Variants in TEX36 observed in about 807,000 individuals in gnomAD.
The protein encoded by TEX36 is testis-expressed protein 36.
In TEX36, 12 loss-of-function variants were observed where a neutral mutation model predicts 13.6. The observed-to-expected ratio is 0.88, with a 90% CI of 0.56 to 1.43. The LOEUF is 1.43. TEX36 is among the 40% of genes most tolerant of loss of function. TEX36 has a pLI of 0.00. For missense variants in TEX36, 224 were observed against 228.3 expected, an observed-to-expected ratio of 0.98 and a Z score of 0.12; for synonymous variants, 93 against 83.0, an observed-to-expected ratio of 1.12 and a Z score of -0.65.
At chr10:125,682,122 T>G (rs915330422) in intron 1 of TEX36, among the ~76,000 whole-genome samples, 1 of 152,230 alleles carries the variant, frequency 6.6e-6, no homozygotes, top group African/African-American at 2.4e-5. Flanking sequence ...ACATTCTTTT[T>G]GTGAATGAAT....
chr10:125,682,875 C>T lies in TEX36; in HGVS notation c.51+64G>A. The T allele has an allele frequency of 5.9e-6, 9 of 1,524,552 alleles. No homozygotes were observed. In the South Asian group the frequency reaches 1.1e-4, roughly 18 times the overall value. 94.4% of individuals were successfully genotyped at this position (1,524,552 alleles called of 1,614,324 possible). A position where few individuals can be genotyped will look rare whatever the true frequency, so the allele number is the denominator to read the frequency against. ...TAATAGTAGAAGCAGGATTGGAACT[C>T]CTCAGACTGTTGACCACACCCACGT... is the stretch of plus-strand genomic sequence containing the variant. On this transcript the variant is annotated intron_variant, in intron 1 of 3. Coordinates refer to ENST00000368821, the MANE Select transcript of TEX36 (RefSeq NM_001128202.3).
intron 1 of TEX36, among the ~76,000 whole-genome samples, chr10:125,681,095 G>T (rs1847385886): frequency 6.6e-6 from 1 of 152,198 alleles, no homozygotes; most frequent in Non-Finnish European, 1.5e-5. Context: ...ATAAAAAGGG[G>T]CAGACTTAGG....
chr10:125,612,104 C>G (rs2365824), intron 3 of TEX36, among the ~76,000 whole-genome samples: 47,814 of 128,252 alleles, frequency 0.37, 8,083 homozygotes, highest in African/African-American at 0.46. Context: ...TTTTTTTTTT[C>G]AGACAGAGTC....
At chr10:125,589,334 T>C (rs1845995628) in intron 3 of TEX36, among the ~76,000 whole-genome samples, 1 of 152,238 alleles carries the variant, frequency 6.6e-6, no homozygotes. Flanking sequence ...TTTCTAATAT[T>C]CTTATCTTTT....
Position 125,667,761 on chromosome 10 carries a change from G to A in TEX36, c.52-5784C>T. The A allele has an allele frequency of 3.6e-6, 3 of 845,016 alleles. No homozygotes were observed. In the East Asian group the frequency reaches 7.3e-5, roughly 20 times the overall value. 52.3% of individuals were successfully genotyped at this position (845,016 alleles called of 1,614,324 possible). A position where few individuals can be genotyped will look rare whatever the true frequency, so the allele number is the denominator to read the frequency against. Reference sequence around the variant, plus strand: ...GGGTTCACGCAGTCGTCAGCTGTCAGCAGCAGCTGACAGTAGAAGCGCCAG... The same window carrying A: ...GGGTTCACGCAGTCGTCAGCTGTCAACAGCAGCTGACAGTAGAAGCGCCAG... On this transcript the variant is annotated intron_variant, in intron 1 of 3. Coordinates refer to ENST00000368821, the MANE Select transcript of TEX36 (RefSeq NM_001128202.3).
intron 1 of TEX36, chr10:125,667,733 C>G (rs1847146544): frequency 1.3e-6 from 1 of 788,692 alleles, no homozygotes; most frequent in South Asian, 1.5e-5. Flanking sequence ...GTCCCCGATG[C>G]AGGGGTTCAC....
At chr10:125,643,610 C>T (rs1163674703) in intron 3 of TEX36, among the ~76,000 whole-genome samples, 4 of 151,904 alleles carry the variant, frequency 2.6e-5, no homozygotes, top group African/African-American at 9.7e-5. Context: ...GGCTTGGTGG[C>T]GGGTGCCTGT....
At chr10:125,610,722 T>G (rs2133550912) in intron 3 of TEX36, among the ~76,000 whole-genome samples, 1 of 152,316 alleles carries the variant, frequency 6.6e-6, no homozygotes, top group South Asian at 2.1e-4. Context: ...GTTTGCCCTC[T>G]TTGTCACTTA....
chr10:125,622,136 A>G (rs901543300), intron 3 of TEX36, among the ~76,000 whole-genome samples: 1 of 152,188 alleles, frequency 6.6e-6, no homozygotes, highest in African/African-American at 2.4e-5. Context: ...ACCCATACAC[A>G]TGTCCTGAAA....
At chr10:125,626,170 C>T (rs578053705) in intron 3 of TEX36, among the ~76,000 whole-genome samples, 3 of 152,316 alleles carry the variant, frequency 2.0e-5, no homozygotes, top group Non-Finnish European at 4.4e-5. Flanking sequence ...GCTGCCCAGT[C>T]CTGCTCCCTC....
At chr10:125,663,599 GA>G (rs1847079105) in intron 1 of TEX36, among the ~76,000 whole-genome samples, 1 of 152,104 alleles carries the variant, frequency 6.6e-6, no homozygotes, top group South Asian at 2.1e-4. Flanking sequence ...TTCTGACTGG[GA>G]TAAGATGATA....
At chr10:125,628,927 C>G (rs1846520216) in intron 3 of TEX36, among the ~76,000 whole-genome samples, 1 of 152,166 alleles carries the variant, frequency 6.6e-6, no homozygotes, top group African/African-American at 2.4e-5. Context: ...TGCTTTATAT[C>G]CACTACCTTA....
At chr10:125,637,320 A>G (rs1223613708) in intron 3 of TEX36, among the ~76,000 whole-genome samples, 4 of 151,994 alleles carry the variant, frequency 2.6e-5, no homozygotes, top group African/African-American at 7.3e-5. Context: ...AAAAAAAAAA[A>G]AAAGTATAAT....
intron 3 of TEX36, among the ~76,000 whole-genome samples, chr10:125,622,765 G>A (rs2133561130): frequency 6.6e-6 from 1 of 152,350 alleles, no homozygotes; most frequent in South Asian, 2.1e-4. Flanking sequence ...TCGAGGAGTA[G>A]TAGTCGATTT....
At chr10:125,642,029 T>C (rs1846700078) in intron 3 of TEX36, among the ~76,000 whole-genome samples, 1 of 152,204 alleles carries the variant, frequency 6.6e-6, no homozygotes, top group Non-Finnish European at 1.5e-5. Flanking sequence ...TAATTGCAGA[T>C]TTGGTTCTGT....
At chr10:125,629,399 C>T (rs1846525524) in intron 3 of TEX36, among the ~76,000 whole-genome samples, 1 of 152,148 alleles carries the variant, frequency 6.6e-6, no homozygotes, top group African/African-American at 2.4e-5. Flanking sequence ...TGTCAGAATG[C>T]ATGGGGGGAG....
intron 3 of TEX36, among the ~76,000 whole-genome samples, chr10:125,599,219 C>A (rs751336667): frequency 6.6e-6 from 1 of 152,176 alleles, no homozygotes; most frequent in Non-Finnish European, 1.5e-5. Context: ...CATCCACTAA[C>A]GGTTTGTGGA....
At chr10:125,667,230 G>A in intron 1 of TEX36, 1 of 631,270 alleles carries the variant, frequency 1.6e-6, no homozygotes, top group Non-Finnish European at 3.0e-6. Context: ...ACTTCTGGAT[G>A]CAGGGATGGC....
At chr10:125,643,290 C>T (rs1846716206) in intron 3 of TEX36, among the ~76,000 whole-genome samples, 1 of 152,138 alleles carries the variant, frequency 6.6e-6, no homozygotes, top group African/African-American at 2.4e-5. Context: ...ATGCAGACAG[C>T]GTGAGAAGAA....
Sources: gnomAD v4.1 joint callset for allele counts (sites outside exome capture counted in the v4.1 genomes callset) on GRCh38, gnomAD v4.1.1 for gene constraint, MANE v1.5 for transcripts, NCBI Gene and HGNC (gene_info 2026-07-23, HGNC 2026-07-21) for gene names.